The following TTC9 variants were observed in gnomAD, a reference collection of about 807,000 sequenced individuals.
TTC9 encodes tetratricopeptide repeat domain 9, also known as tetratricopeptide repeat protein 9A.
A neutral mutation model predicts 22.9 loss-of-function variants in TTC9; 13 were observed. The ratio of observed to expected loss-of-function variants is 0.57; its 90% confidence interval spans 0.37 to 0.90. The LOEUF (loss-of-function observed/expected upper bound fraction) is 0.90. TTC9 is among the 40% of genes least tolerant of loss of function. The pLI, the probability that TTC9 is intolerant of heterozygous loss-of-function variation, is 0.01. For missense variants in TTC9, 280 were observed against 291.8 expected, an observed-to-expected ratio of 0.96 and a Z score of 0.29; for synonymous variants, 148 against 133.2, an observed-to-expected ratio of 1.11 and a Z score of -0.77.
In TTC9 at chr14:70,674,446, CAA is replaced by C. The variant is rs1205804603; in HGVS notation, c.*3295_*3296del. 6.6e-6 allele frequency: 1 copy of C among 152,070 alleles called. No individual in the cohort carries two copies. Among genetic ancestry groups the C allele is most frequent in the African/African-American group, 2.4e-5 (1 of 41,406 alleles). The allele number at this position is 152,070 out of a possible 1,614,324, so 9.4% of individuals were successfully genotyped here. ...ACACACAGTTGTGGATTTTTTTAAACAAAAACTGGATACACTGAATATACTCT... is the reference window on the plus strand; with the variant it reads ...ACACACAGTTGTGGATTTTTTTAAACAAACTGGATACACTGAATATACTCT... On this transcript the variant is annotated 3_prime_UTR_variant, in exon 3 of 3. Transcript: ENST00000256367.
At position 70,673,694 on chromosome 14, in the gene TTC9, G is replaced by A. The variant is rs926090425; in HGVS notation, c.*2539G>A. On this transcript the variant is annotated 3_prime_UTR_variant, in exon 3 of 3. Transcript: ENST00000256367. ...GTCACCTGGAGAATGAGTTCAAACTGCCAGGGTCTTCCCTTGGTCTTTGTG... is the reference window on the plus strand; with the variant it reads ...GTCACCTGGAGAATGAGTTCAAACTACCAGGGTCTTCCCTTGGTCTTTGTG... 3 of 151,576 alleles carry A rather than the reference G, an allele frequency of 2.0e-5. No homozygotes were observed. Among genetic ancestry groups the A allele is most frequent in the African/African-American group, 7.3e-5 (3 of 41,240 alleles). 9.4% of individuals were successfully genotyped at this position (151,576 alleles called of 1,614,324 possible).
chr14:70,666,603 C>G (rs1886219713), intron 1 of TTC9, among the ~76,000 whole-genome samples: 1 of 152,182 alleles, frequency 6.6e-6, no homozygotes, highest in South Asian at 2.1e-4. Context: ...ATCCCTCCAA[C>G]AACTAGATTA....
intron 1 of TTC9, among the ~76,000 whole-genome samples, chr14:70,665,735 C>CA (rs962228471): frequency 3.3e-5 from 5 of 151,868 alleles, no homozygotes; most frequent in South Asian, 2.1e-4. Flanking sequence ...CCTAAATGCT[C>CA]AAAAAAAATC....
intron 1 of TTC9, among the ~76,000 whole-genome samples, chr14:70,663,445 G>C (rs8009719): frequency 0.11 from 16,228 of 152,204 alleles, 1,135 homozygotes; most frequent in Middle Eastern, 0.17. Context: ...ATCCTGCAAG[G>C]CTCAAGACAT....
At chr14:70,657,677 A>G (rs1360458931) in intron 1 of TTC9, among the ~76,000 whole-genome samples, 1 of 152,152 alleles carries the variant, frequency 6.6e-6, no homozygotes, top group Non-Finnish European at 1.5e-5. Context: ...AGAAACGGCT[A>G]CTTGTGGGCC....
At chr14:70,669,950 A>G (rs999686758) in intron 2 of TTC9, among the ~76,000 whole-genome samples, 5 of 152,158 alleles carry the variant, frequency 3.3e-5, no homozygotes, top group South Asian at 2.1e-4. Flanking sequence ...TGCCATCCTC[A>G]CTAATAACAG....
chr14:70,654,617 A>G (rs1253955897), intron 1 of TTC9, among the ~76,000 whole-genome samples: 1 of 145,674 alleles, frequency 6.9e-6, no homozygotes, highest in Non-Finnish European at 1.5e-5. Context: ...AAAAAAAAAA[A>G]AAAAATTCTA....
At chr14:70,664,463 C>G (rs554679494) in intron 1 of TTC9, among the ~76,000 whole-genome samples, 11 of 152,242 alleles carry the variant, frequency 7.2e-5, no homozygotes, top group African/African-American at 2.4e-4. Context: ...TAGTGGCTCA[C>G]TCCTGTAATC....
At chr14:70,644,748 C>T (rs1265323387) in intron 1 of TTC9, among the ~76,000 whole-genome samples, 3 of 152,120 alleles carry the variant, frequency 2.0e-5, no homozygotes, top group East Asian at 1.9e-4. Flanking sequence ...CACAAAAGAA[C>T]GAAAAGAGTG....
chr14:70,665,095 T>C (rs1158004379), intron 1 of TTC9, among the ~76,000 whole-genome samples: 1 of 152,054 alleles, frequency 6.6e-6, no homozygotes, highest in African/African-American at 2.4e-5. Context: ...AAAACTGTTA[T>C]TTTATTTTAT....
At chr14:70,651,677 G>A (rs1027781442) in intron 1 of TTC9, among the ~76,000 whole-genome samples, 12 of 152,216 alleles carry the variant, frequency 7.9e-5, no homozygotes, top group African/African-American at 2.7e-4. Context: ...ATTAGTGACA[G>A]TTTGAATCTT....
intron 1 of TTC9, among the ~76,000 whole-genome samples, chr14:70,658,402 T>C (rs866152504): frequency 1.3e-5 from 2 of 152,216 alleles, no homozygotes; most frequent in African/African-American, 4.8e-5. Flanking sequence ...TAAAGAACAG[T>C]AATGATCCTG....
At chr14:70,668,050 A>C (rs1886238995) in intron 2 of TTC9, among the ~76,000 whole-genome samples, 1 of 152,166 alleles carries the variant, frequency 6.6e-6, no homozygotes, top group Non-Finnish European at 1.5e-5. Context: ...AATTCATACT[A>C]TGTGCCAAGA....
At chr14:70,657,584 G>C (rs763645113) in intron 1 of TTC9, among the ~76,000 whole-genome samples, 4 of 152,342 alleles carry the variant, frequency 2.6e-5, no homozygotes, top group African/African-American at 4.8e-5. Flanking sequence ...AAGCCAAACA[G>C]CTCCTGGCAG....
chr14:70,654,587 C>CAAAAAAAAAAAAAA lies in TTC9; in HGVS notation c.406+12074_406+12087dup, dbSNP rs61046584. Among the ~76,000 whole-genome samples, 77 of 57,144 alleles carry CAAAAAAAAAAAAAA rather than the reference C, an allele frequency of 1.3e-3. 2 individuals are homozygous for CAAAAAAAAAAAAAA. The highest frequency in any genetic ancestry group is 2.7e-3 in the Admixed American group (9 of 3,322). The allele number at this position is 57,144 out of a possible 152,430, so 37.5% of individuals were successfully genotyped here. On this transcript the variant is annotated intron_variant, in intron 1 of 2. Coordinates refer to ENST00000256367, the MANE Select transcript of TTC9 (RefSeq NM_015351.2). ...CCTGGGCAACAGTAAGGCTCTGTCTCAAAAAAAAAAAAAAAAAAAAAAAAA... is the reference window on the plus strand; with the variant it reads ...CCTGGGCAACAGTAAGGCTCTGTCTCAAAAAAAAAAAAAAAAAAAAAAAAAAAAAAAAAAAAAAA...
Position 70,670,562 on chromosome 14 carries a change from T to C in TTC9, c.590-514T>C, listed in dbSNP as rs1886279397. The stretch of plus-strand genomic sequence containing the variant: ...AATCCCAGCTACTGAGGCAGGAGAA[T>C]TGCTTGAACTTGAGAGGTGGAGTTT... On this transcript the variant is annotated intron_variant, in intron 2 of 2. Coordinates refer to ENST00000256367, the MANE Select transcript of TTC9 (RefSeq NM_015351.2). 2.0e-5 allele frequency among the ~76,000 whole-genome samples: 3 copies of C among 152,144 alleles called. No homozygotes were observed. The South Asian group carries it at 6.2e-4, about 32-fold the overall frequency.
intron 2 of TTC9, 80 bp downstream of exon 2, chr14:70,667,826 G>A (rs1886236086): frequency 7.0e-7 from 1 of 1,429,260 alleles, no homozygotes; most frequent in Admixed American, 2.3e-5. Context: ...CAGTTTTCTT[G>A]GCTAGGAGGG....
chr14:70,646,584 C>G (rs1316430113), intron 1 of TTC9, among the ~76,000 whole-genome samples: 7 of 152,194 alleles, frequency 4.6e-5, no homozygotes, highest in African/African-American at 1.2e-4. Context: ...AGATGGAAAT[C>G]AACAAACCAT....
intron 1 of TTC9, among the ~76,000 whole-genome samples, chr14:70,648,087 A>G (rs550621012): frequency 6.6e-6 from 1 of 152,320 alleles, no homozygotes; most frequent in East Asian, 1.9e-4. Flanking sequence ...TCAGAGGATG[A>G]ATTCCTAGGG....
Sources: allele counts gnomAD v4.1 joint callset (sites outside exome capture counted in the v4.1 genomes callset), GRCh38; gene constraint gnomAD v4.1.1; transcripts MANE v1.5; gene names NCBI Gene and HGNC (gene_info 2026-07-23, HGNC 2026-07-21).